AEBP2: variants seen among roughly 807,000 people sequenced by gnomAD.
AEBP2 encodes zinc finger protein AEBP2.
AEBP2 carries 10 observed loss-of-function variants against 50.8 expected under a neutral mutation model. The observed-to-expected ratio is 0.20, with a 90% CI of 0.12 to 0.33. The LOEUF (loss-of-function observed/expected upper bound fraction) is 0.33, where lower values mean the gene tolerates loss of function less well. Among genes scored for constraint, AEBP2 ranks in the 10% least tolerant of loss-of-function variants. AEBP2 has a pLI of 1.00. For missense variants in AEBP2, 570 were observed against 688.0 expected (o/e 0.83, Z 1.92); for synonymous variants, 296 against 261.3 (o/e 1.13, Z -1.28).
intron 6 of AEBP2, among the ~76,000 whole-genome samples, chr12:19,513,031 T>A (rs1949259438): frequency 6.6e-6 from 1 of 152,142 alleles, no homozygotes; most frequent in African/African-American, 2.4e-5. Context: ...TTTTTTTGTT[T>A]TGTTTTTTGA....
intron 1 of AEBP2, among the ~76,000 whole-genome samples, chr12:19,425,833 A>G (rs1015251398): frequency 1.3e-5 from 2 of 151,538 alleles, no homozygotes; most frequent in African/African-American, 2.4e-5. Flanking sequence ...GGTTGTCTGT[A>G]ATAGTTGGGA....
intron 1 of AEBP2, among the ~76,000 whole-genome samples, chr12:19,461,460 T>A (rs117640779): frequency 0.022 from 3,273 of 152,176 alleles, 42 homozygotes; most frequent in East Asian, 0.043. Flanking sequence ...TTTGAGATGG[T>A]GTTTTGCTCT....
chr12:19,451,837 G>C (rs1394686146), intron 1 of AEBP2, among the ~76,000 whole-genome samples: 1 of 152,074 alleles, frequency 6.6e-6, no homozygotes, highest in African/African-American at 2.4e-5. Flanking sequence ...GAGTAGCTGG[G>C]ACTACAGTTG....
At chr12:19,497,328 G>GATTT (rs1555186666) in intron 4 of AEBP2, among the ~76,000 whole-genome samples, 4 of 78,710 alleles carry the variant, frequency 5.1e-5, no homozygotes, top group Admixed American at 2.0e-4. Flanking sequence ...TTCCAAAGGT[G>GATTT]TTTTTTTTTT....
rs1018867794 is a variant in AEBP2 at position 19,439,880 on chromosome 12, G to T, written c.181G>T (p.Gly61Cys). The T allele has an allele frequency of 2.7e-6, 4 of 1,484,000 alleles. No individual in the cohort carries two copies. The highest frequency in any genetic ancestry group is 2.3e-5 in the Admixed American group (1 of 43,924). 91.9% of individuals were successfully genotyped at this position (1,484,000 alleles called of 1,614,324 possible). ...AEAVAALLLNGGSGGGGGGGG... is the reference protein window; with the variant it reads ...AEAVAALLLNCGSGGGGGGGG... ...GGCGGTGGCGGCGCTGCTGCTGAAC[G>T]GCGGCAGCGGTGGGGGCGGCGGAGG... The change falls in exon 1 of 8, where the codon GGC becomes TGC. Residue 61 changes from glycine to cysteine, a missense_variant. Physicochemically the swap from Gly to Cys is radical, Grantham distance 159. Coordinates refer to ENST00000266508, the MANE Select transcript of AEBP2 (RefSeq NM_153207.5).
intron 1 of AEBP2, among the ~76,000 whole-genome samples, chr12:19,449,029 G>C (rs1948122603): frequency 6.6e-6 from 1 of 152,004 alleles, no homozygotes; most frequent in African/African-American, 2.4e-5. Flanking sequence ...TAGATGAATT[G>C]GCAATAGATT....
intron 5 of AEBP2, among the ~76,000 whole-genome samples, chr12:19,506,534 C>T (rs2120560226): frequency 6.6e-6 from 1 of 152,278 alleles, no homozygotes; most frequent in East Asian, 1.9e-4. Flanking sequence ...GAGGCAAGCA[C>T]CACCACAGTT....
At position 19,464,146 on chromosome 12, in the gene AEBP2, T is replaced by TA. The variant is rs529839114; in HGVS notation, c.879+1429_879+1430insA. ...ACTTACCTATGATCTGTTAACTAAC[T>TA]GTGTCCATCATATGGTATTTTCAGT... On this transcript the variant is annotated intron_variant, in intron 2 of 7. Transcript: ENST00000266508. 7.2e-3 allele frequency among the ~76,000 whole-genome samples: 1,099 copies of TA among 152,358 alleles called. 4 individuals are homozygous for TA. The highest frequency in any genetic ancestry group is 0.011 in the Non-Finnish European group (755 of 68,032).
At chr12:19,476,768 T>C (rs1422440649) in intron 3 of AEBP2, among the ~76,000 whole-genome samples, 2 of 152,224 alleles carry the variant, frequency 1.3e-5, no homozygotes, top group South Asian at 4.1e-4. Context: ...TTTGCTCTTT[T>C]TGCTTAGTCT....
At chr12:19,501,403 G>A (rs1300895342) in intron 5 of AEBP2, among the ~76,000 whole-genome samples, 2 of 151,956 alleles carry the variant, frequency 1.3e-5, no homozygotes, top group African/African-American at 4.8e-5. Context: ...GGGAGGCCAA[G>A]GCAGGCAGAT....
At chr12:19,424,554 G>A (rs575465099) in intron 1 of AEBP2, among the ~76,000 whole-genome samples, 111 of 151,892 alleles carry the variant, frequency 7.3e-4, no homozygotes, top group Non-Finnish European at 1.3e-3. Flanking sequence ...CCGCCACCTC[G>A]CCTGGCTAAT....
Position 19,462,506 on chromosome 12 carries a change from G to T in AEBP2, c.672-4G>T, listed in dbSNP as rs1334857065. 21 of 1,596,654 alleles carry T rather than the reference G, an allele frequency of 1.3e-5. No individual in the cohort carries two copies. The Admixed American group carries it at 1.4e-4, about 11-fold the overall frequency. On this transcript the variant is annotated splice_polypyrimidine_tract_variant and splice_region_variant and intron_variant, in intron 1 of 7. Coordinates refer to ENST00000266508, the MANE Select transcript of AEBP2 (RefSeq NM_153207.5). ...ATAACACAGCCTTTTTTCTTCTTTT[G>T]TAGCATAAGCAGTACTATAATGGAT...
At chr12:19,472,703 A>C (rs1345229921) in intron 2 of AEBP2, among the ~76,000 whole-genome samples, 2 of 152,164 alleles carry the variant, frequency 1.3e-5, no homozygotes, top group Non-Finnish European at 2.9e-5. Context: ...AAATATTGTC[A>C]GTATGCATGT....
intron 4 of AEBP2, among the ~76,000 whole-genome samples, chr12:19,499,471 G>A (rs962762403): frequency 3.3e-5 from 5 of 151,922 alleles, no homozygotes; most frequent in African/African-American, 1.2e-4. Context: ...AAAATCAGCC[G>A]GGCTTGGTGG....
chr12:19,494,109 C>T, intron 4 of AEBP2, 123 bp downstream of exon 4: 2 of 1,078,348 alleles, frequency 1.9e-6, no homozygotes, highest in Non-Finnish European at 2.6e-6. Flanking sequence ...AGGTAGGATG[C>T]CTGTCTGTCA....
At chr12:19,509,402 ATTAG>A (rs1198122993) in intron 5 of AEBP2, among the ~76,000 whole-genome samples, 6 of 152,144 alleles carry the variant, frequency 3.9e-5, no homozygotes, top group South Asian at 2.1e-4. Flanking sequence ...CTTTGGCTTG[ATTAG>A]TTAAAGCTTC....
At chr12:19,501,797 G>GTTTGTTTTTTTTTTTT (rs60750234) in intron 5 of AEBP2, among the ~76,000 whole-genome samples, 7 of 70,868 alleles carry the variant, frequency 9.9e-5, no homozygotes, top group South Asian at 6.7e-4. Context: ...AAATGAGTTT[G>GTTTGTTTTTTTTTTTT]TTTTTTTTTT....
At chr12:19,419,794 G>A (rs900469976) in intron 1 of AEBP2, among the ~76,000 whole-genome samples, 1 of 150,930 alleles carries the variant, frequency 6.6e-6, no homozygotes, top group Non-Finnish European at 1.5e-5. Flanking sequence ...GCCGGGCGTG[G>A]TGGTGTGCGT....
chr12:19,457,288 A>G (rs1948285906), intron 1 of AEBP2: 2 of 1,564,490 alleles, frequency 1.3e-6, no homozygotes, highest in Non-Finnish European at 1.7e-6. Flanking sequence ...ACTGGCAGCA[A>G]CAATCAGGAC....
Sources: gnomAD v4.1 joint callset for allele counts (sites outside exome capture counted in the v4.1 genomes callset) on GRCh38, gnomAD v4.1.1 for gene constraint, MANE v1.5 for transcripts, NCBI Gene and HGNC (gene_info 2026-07-23, HGNC 2026-07-21) for gene names.